Variants in GTF3C5 observed in about 807,000 individuals in gnomAD.
GTF3C5 encodes the protein general transcription factor 3C polypeptide 5.
GTF3C5 carries 47 observed loss-of-function variants against 61.0 expected under a neutral mutation model. The ratio of observed to expected loss-of-function variants is 0.77; its 90% CI spans 0.61 to 0.98. GTF3C5 has a LOEUF of 0.98. GTF3C5 is among the 50% of genes least tolerant of loss of function. The probability of loss-of-function intolerance (pLI) is 0.00; values close to 1 mark genes in which losing one functional copy is unlikely to be tolerated. For synonymous variants in GTF3C5, 295 were observed against 275.4 expected (o/e 1.07, Z -0.71); for missense variants, 659 against 703.3 (o/e 0.94, Z 0.71).
At chr9:133,033,799 T>C (rs1849793888) in intron 1 of GTF3C5, among the ~76,000 whole-genome samples, 1 of 152,186 alleles carries the variant, frequency 6.6e-6, no homozygotes, top group African/African-American at 2.4e-5. Flanking sequence ...ATTTAATCCA[T>C]TCCATCCAGG....
chr9:133,056,963 A>G, intron 10 of GTF3C5, 55 bp downstream of exon 10: 1 of 1,493,208 alleles, frequency 6.7e-7, no homozygotes, highest in South Asian at 1.3e-5. Context: ...CTCCTTTGAG[A>G]CAGAGGTGTC....
chr9:133,037,022 C>G (rs1849882546), intron 1 of GTF3C5, among the ~76,000 whole-genome samples: 1 of 152,050 alleles, frequency 6.6e-6, no homozygotes, highest in African/African-American at 2.4e-5. Flanking sequence ...TTGGAGCAGG[C>G]ATGTGTTTTG....
chr9:133,043,848 C>T lies in GTF3C5; in HGVS notation c.494C>T (p.Pro165Leu), dbSNP rs368008906. The T allele has an allele frequency of 3.7e-5, 60 of 1,613,936 alleles. No homozygotes were observed. Among genetic ancestry groups the T allele is most frequent in the East Asian group, 1.6e-4 (7 of 44,892 alleles). Residue 165 changes from proline to leucine, a missense_variant, in exon 3 of 11, where the codon CCG becomes CTG. Physicochemically the swap from Pro to Leu is moderately conservative, Grantham distance 98. Coordinates refer to ENST00000372097, the MANE Select transcript of GTF3C5 (RefSeq NM_012087.4). ...EKEAFFHQEL[P>L]LYIPPPIFSR... Reference sequence around the variant, plus strand: ...GAGGCCTTTTTCCACCAGGAGCTGCCGCTCTACATCCCCCCACCCATCTTC... The same window carrying T: ...GAGGCCTTTTTCCACCAGGAGCTGCTGCTCTACATCCCCCCACCCATCTTC...
At chr9:133,043,624 C>G in intron 2 of GTF3C5, 104 bp from the exon 3 acceptor site, 1 of 890,156 alleles carries the variant, frequency 1.1e-6, no homozygotes. Context: ...CAGCCTCCAC[C>G]ACATGGCCCA....
In GTF3C5 at chr9:133,055,690, G is replaced by A. The variant is rs546128665; in HGVS notation, c.1168-322G>A. 4.1e-6 allele frequency: 4 copies of A among 985,442 alleles called. No individual in the cohort carries two copies. The Admixed American group carries it at 2.5e-4, about 60-fold the overall frequency. 61.0% of individuals were successfully genotyped at this position (985,442 alleles called of 1,614,324 possible). A position where few individuals can be genotyped will look rare whatever the true frequency, so the allele number is the denominator to read the frequency against. On this transcript the variant is annotated intron_variant, in intron 8 of 10. Coordinates refer to ENST00000372097, the MANE Select transcript of GTF3C5 (RefSeq NM_012087.4). The stretch of plus-strand genomic sequence containing the variant: ...GAGGGATAAGGTCAGAGTGCAGGAG[G>A]GCACAGAGAGCAGAGCCCGGCACAA...
chr9:133,051,979 G>T, intron 4 of GTF3C5, 81 bp from the exon 5 acceptor site: 1 of 714,126 alleles, frequency 1.4e-6, no homozygotes, highest in South Asian at 1.9e-5. Context: ...GGCCGCTGGG[G>T]CCCAGAACAT....
chr9:133,054,232 C>G (rs1288630463), intron 6 of GTF3C5, among the ~76,000 whole-genome samples, 176 bp from the exon 7 acceptor site: 1 of 152,224 alleles, frequency 6.6e-6, no homozygotes, highest in Non-Finnish European at 1.5e-5. Flanking sequence ...TCAGTGCCCG[C>G]CCTGCCTGGG....
chr9:133,056,204 A>C (rs1588481974), intron 9 of GTF3C5, 110 bp downstream of exon 9: 1 of 852,558 alleles, frequency 1.2e-6, no homozygotes, highest in Non-Finnish European at 1.9e-6. Flanking sequence ...CGGCAAGAGC[A>C]CTCGCCTGTC....
chr9:133,032,963 C>T (rs1029004376), intron 1 of GTF3C5, among the ~76,000 whole-genome samples: 1 of 152,176 alleles, frequency 6.6e-6, no homozygotes, highest in Non-Finnish European at 1.5e-5. Context: ...ATGACACAAA[C>T]GCCACCCCTC....
At chr9:133,054,608 C>T in intron 7 of GTF3C5, 104 bp from the exon 8 acceptor site, 2 of 1,414,418 alleles carry the variant, frequency 1.4e-6, no homozygotes, top group Non-Finnish European at 2.0e-6. Context: ...GGTCATTCCT[C>T]CCCTAGGAGG....
chr9:133,039,364 G>C (rs1325404624), intron 1 of GTF3C5, among the ~76,000 whole-genome samples: 1 of 152,178 alleles, frequency 6.6e-6, no homozygotes, highest in African/African-American at 2.4e-5. Flanking sequence ...AACTCCATGA[G>C]AGTGGGGACT....
intron 3 of GTF3C5, among the ~76,000 whole-genome samples, chr9:133,044,978 T>C (rs1325437699): frequency 6.8e-6 from 1 of 147,114 alleles, no homozygotes; most frequent in African/African-American, 2.5e-5. Context: ...ATTCTGTAAC[T>C]CAGAGGTTCT....
At chr9:133,057,389 A>C (rs1198665287) in intron 10 of GTF3C5, among the ~76,000 whole-genome samples, 2 of 152,166 alleles carry the variant, frequency 1.3e-5, no homozygotes, top group Non-Finnish European at 2.9e-5. Context: ...CGGGGGAGTT[A>C]TAAGAGGCCC....
chr9:133,037,427 A>G (rs1192469804), intron 1 of GTF3C5, among the ~76,000 whole-genome samples: 2 of 152,154 alleles, frequency 1.3e-5, no homozygotes, highest in Non-Finnish European at 2.9e-5. Flanking sequence ...GAGACTCTCA[A>G]TGATAGGTTT....
chr9:133,047,524 C>CTT (rs544180537), intron 3 of GTF3C5, among the ~76,000 whole-genome samples: 2 of 144,340 alleles, frequency 1.4e-5, no homozygotes, highest in African/African-American at 2.5e-5. Flanking sequence ...ATGATCCTTC[C>CTT]TTTTTTTTTT....
chr9:133,045,089 G>A (rs1423962369), intron 3 of GTF3C5, among the ~76,000 whole-genome samples: 1 of 152,186 alleles, frequency 6.6e-6, no homozygotes, highest in Non-Finnish European at 1.5e-5. Context: ...AAAAGAATAG[G>A]ATTTCCTTTA....
At chr9:133,040,871 G>A (rs1850017479) in intron 1 of GTF3C5, among the ~76,000 whole-genome samples, 1 of 152,142 alleles carries the variant, frequency 6.6e-6, no homozygotes, top group Admixed American at 6.5e-5. Flanking sequence ...AGTTATACTA[G>A]ATCTAGATCA....
At chr9:133,040,195 C>T (rs1249133124) in intron 1 of GTF3C5, among the ~76,000 whole-genome samples, 5 of 152,182 alleles carry the variant, frequency 3.3e-5, no homozygotes, top group South Asian at 4.1e-4. Flanking sequence ...GGTTCATTCC[C>T]GCCCCATCGG....
intron 8 of GTF3C5, 110 bp downstream of exon 8, chr9:133,054,919 G>C: frequency 6.5e-7 from 1 of 1,546,284 alleles, no homozygotes; most frequent in Non-Finnish European, 8.8e-7. Flanking sequence ...GCCCACCGGG[G>C]CCTCGGCACC....
Sources: gnomAD v4.1 joint callset for allele counts (sites outside exome capture counted in the v4.1 genomes callset) on GRCh38, gnomAD v4.1.1 for gene constraint, MANE v1.5 for transcripts, NCBI Gene and HGNC (gene_info 2026-07-23, HGNC 2026-07-21) for gene names.